HIVEP1: variants seen among roughly 807,000 people sequenced by gnomAD.
The protein encoded by HIVEP1 is zinc finger protein 40.
In HIVEP1, 36 loss-of-function variants were observed where a neutral mutation model predicts 180.0. That is an observed-to-expected ratio of 0.20 (90% CI 0.15 to 0.26). The LOEUF (loss-of-function observed/expected upper bound fraction) is 0.26, where lower values mean the gene tolerates loss of function less well. Ranked by LOEUF, HIVEP1 falls within the 10% of genes least tolerant of loss-of-function variation. HIVEP1 has a pLI of 1.00. For missense variants in HIVEP1, 3,143 were observed against 3,268.7 expected (o/e 0.96, Z 0.94); for synonymous variants, 1,239 against 1,239.0 (o/e 1.00, Z 0.00).
chr6:12,203,407 A>G, the HIVEP1 span, among the ~76,000 whole-genome samples: 1 of 152,212 alleles, frequency 6.6e-6, no homozygotes. Flanking sequence ...CATAGTTTTC[A>G]TTAGTCAGAC....
At chr6:12,108,001 G>A (rs1473078477) in intron 3 of HIVEP1, among the ~76,000 whole-genome samples, 1 of 152,212 alleles carries the variant, frequency 6.6e-6, no homozygotes, top group Admixed American at 6.5e-5. Context: ...GATACAGAGT[G>A]TCAATTGGTG....
intron 3 of HIVEP1, among the ~76,000 whole-genome samples, chr6:12,093,955 G>C (rs1372698115): frequency 1.3e-5 from 2 of 151,998 alleles, no homozygotes; most frequent in Non-Finnish European, 2.9e-5. Flanking sequence ...GTTTGGGTTT[G>C]ATTGAATCTG....
At chr6:12,145,386 G>A (rs1030326065) in intron 7 of HIVEP1, among the ~76,000 whole-genome samples, 7 of 151,998 alleles carry the variant, frequency 4.6e-5, no homozygotes, top group Non-Finnish European at 1.0e-4. Flanking sequence ...GGGCCTGGGG[G>A]AGGGATAGCA....
intron 2 of HIVEP1, among the ~76,000 whole-genome samples, chr6:12,017,515 G>A (rs1767881347): frequency 6.6e-6 from 1 of 152,192 alleles, no homozygotes; most frequent in South Asian, 2.1e-4. Context: ...TCCACAGTCT[G>A]CAAGGGGACC....
chr6:12,011,167 C>T (rs970995440), upstream of HIVEP1, among the ~76,000 whole-genome samples: 4 of 152,144 alleles, frequency 2.6e-5, no homozygotes, highest in African/African-American at 9.7e-5. Flanking sequence ...AACACCCTGC[C>T]CCCTCCGTTT....
chr6:12,021,315 A>G (rs978469599), intron 2 of HIVEP1, among the ~76,000 whole-genome samples: 1 of 152,298 alleles, frequency 6.6e-6, no homozygotes, highest in South Asian at 2.1e-4. Flanking sequence ...GCCATTTGCC[A>G]TTTCAGGAGC....
chr6:12,138,202 A>G (rs1758809047), intron 7 of HIVEP1, among the ~76,000 whole-genome samples: 1 of 152,154 alleles, frequency 6.6e-6, no homozygotes, highest in Non-Finnish European at 1.5e-5. Flanking sequence ...AGATACCTAG[A>G]TATTTGCTTT....
chr6:12,009,613 A>G (rs1049462645), upstream of HIVEP1, among the ~76,000 whole-genome samples: 1 of 152,086 alleles, frequency 6.6e-6, no homozygotes, highest in African/African-American at 2.4e-5. Flanking sequence ...TATTTGATAC[A>G]TTTTGAGAAA....
In HIVEP1 at chr6:12,114,352, A is replaced by G. The variant is rs578177148; in HGVS notation, c.95-5538A>G. Among the ~76,000 whole-genome samples the G allele has an allele frequency of 2.6e-5, 4 of 152,190 alleles. No homozygotes were observed. The South Asian group carries it at 8.3e-4, about 32-fold the overall frequency. On this transcript the variant is annotated intron_variant, in intron 3 of 8. Transcript: ENST00000379388. ...TGTGATATTCAACACTATTGGCCACATCTTCCTTTTTAAAAGTTTCTAAAC... is the reference window on the plus strand; with the variant it reads ...TGTGATATTCAACACTATTGGCCACGTCTTCCTTTTTAAAAGTTTCTAAAC...
chr6:12,083,451 G>A (rs1234365647), intron 2 of HIVEP1, among the ~76,000 whole-genome samples: 1 of 152,108 alleles, frequency 6.6e-6, no homozygotes, highest in Non-Finnish European at 1.5e-5. Context: ...AGTGACCCTG[G>A]CAACTATGTG....
In HIVEP1 at chr6:12,081,745, C is replaced by T. The variant is rs569023802; in HGVS notation, c.41-7439C>T. Among the ~76,000 whole-genome samples the T allele has an allele frequency of 3.9e-5, 6 of 152,234 alleles. No individual in the cohort carries two copies. In the South Asian group the frequency reaches 1.0e-3, roughly 26 times the overall value. On this transcript the variant is annotated intron_variant, in intron 2 of 8. Transcript: ENST00000379388. ...ATAGTCAAAACTGTTTTCCTTTGAC[C>T]CTGTGTTTCTCTATCCCCTGCTCCT...
At position 12,120,093 on chromosome 6, in the gene HIVEP1, A is replaced by C. The variant is rs528224866; in HGVS notation, c.298A>C (p.Ile100Leu). Residue 100 changes from isoleucine (I) to leucine (L), a missense_variant, in exon 4 of 9, where the codon ATT becomes CTT. Transcript: ENST00000379388. ...ASESHKKQNY[I>L]PVKNGKQFTK... is the part of the protein sequence containing the mutation. The stretch of plus-strand genomic sequence containing the variant: ...GGAGTCTCACAAGAAACAGAATTAT[A>C]TTCCTGTAAAAAATGGGAAGCAGTT... The C allele has an allele frequency of 2.6e-5, 42 of 1,613,282 alleles. No homozygotes were observed. The African/African-American group carries it at 4.8e-4, about 18-fold the overall frequency.
chr6:12,074,415 T>C (rs1772201153), intron 2 of HIVEP1, among the ~76,000 whole-genome samples: 1 of 152,224 alleles, frequency 6.6e-6, no homozygotes, highest in South Asian at 2.1e-4. Flanking sequence ...GCTATATTAC[T>C]ATATTATTTG....
the HIVEP1 span, among the ~76,000 whole-genome samples, chr6:12,200,378 G>A: frequency 6.6e-6 from 1 of 152,208 alleles, no homozygotes; most frequent in African/African-American, 2.4e-5. Flanking sequence ...ATCTGCCTAT[G>A]GGGTAGCCCT....
chr6:12,122,408 T>G lies in HIVEP1; in HGVS notation c.2613T>G (p.Ile871Met). Residue 871 changes from isoleucine (I) to methionine (M), a missense_variant, in exon 4 of 9, where the codon ATT becomes ATG. Coordinates refer to ENST00000379388, the MANE Select transcript of HIVEP1 (RefSeq NM_002114.4). ...GAAGTCAGTCATTTGATGACAAAAT[T>G]GGCGCTTTCTATGATGATGTCTTTG... ...LRGSQSFDDK[I>M]GAFYDDVFVS... 6.2e-7 allele frequency: 1 copy of G among 1,614,208 alleles called. No homozygotes were observed.
At chr6:12,158,683 G>A (rs1223285105) in intron 7 of HIVEP1, among the ~76,000 whole-genome samples, 1 of 152,100 alleles carries the variant, frequency 6.6e-6, no homozygotes, top group Non-Finnish European at 1.5e-5. Context: ...GAGTTTCTGT[G>A]TAATCCTGTC....
chr6:12,087,071 A>T (rs1038559357), intron 2 of HIVEP1, among the ~76,000 whole-genome samples: 3 of 152,162 alleles, frequency 2.0e-5, no homozygotes, highest in Non-Finnish European at 4.4e-5. Context: ...GTGGAGCTAT[A>T]GGTAGAAGCA....
At position 12,121,833 on chromosome 6, in the gene HIVEP1, G is replaced by C; in HGVS notation, c.2038G>C (p.Glu680Gln). Residue 680 changes from glutamate to glutamine, a missense_variant, in exon 4 of 9, where the codon GAA (glutamate) becomes CAA (glutamine). This residue lies in a region of HIVEP1 where 365 missense variants were observed against 344.4 expected (regional missense o/e 1.06). Transcript: ENST00000379388. This position sits in a 1 kb window ranked among gnomAD's most constrained non-coding sequence, Gnocchi z 5.3. ...GGATTCTGGTTACTTTTCACGTTCT[G>C]AAAGTGCCGATCAAACAGTGAGTCC... ...STDSGYFSRSESADQTVSPPT... is the reference protein window; with the variant it reads ...STDSGYFSRSQSADQTVSPPT... 3 of 1,614,168 alleles carry C rather than the reference G, an allele frequency of 1.9e-6. No homozygotes were observed. The East Asian group carries it at 6.7e-5, about 36-fold the overall frequency.
intron 2 of HIVEP1, among the ~76,000 whole-genome samples, chr6:12,026,307 A>T (rs17765290): frequency 0.44 from 66,388 of 152,140 alleles, 16,522 homozygotes; most frequent in Non-Finnish European, 0.56. Context: ...GAGTAAAGCA[A>T]TGAGGAAATA....
Sources: gnomAD v4.1 joint callset for allele counts (sites outside exome capture counted in the v4.1 genomes callset) on GRCh38, gnomAD v4.1.1 for gene constraint, gnomAD v4.1.1 regional missense constraint, Gnocchi (gnomAD v3.1) non-coding constraint, MANE v1.5 for transcripts, NCBI Gene and HGNC (gene_info 2026-07-23, HGNC 2026-07-21) for gene names.